The following RTN4 variants were observed in gnomAD, a reference collection of about 807,000 sequenced individuals.
RTN4 encodes the protein reticulon-4.
Under a neutral mutation model 90.4 loss-of-function variants are expected in RTN4, and 32 were observed. The observed-to-expected ratio is 0.35, with a 90% CI of 0.27 to 0.48. The LOEUF (loss-of-function observed/expected upper bound fraction) is 0.48, where lower values mean the gene tolerates loss of function less well. RTN4 is among the 20% of genes least tolerant of loss of function. The pLI is 0.99. For missense variants in RTN4, 1,706 were observed against 1,430.2 expected (o/e 1.19, Z -3.11); for synonymous variants, 629 against 552.5 (o/e 1.14, Z -1.94).
intron 3 of RTN4, among the ~76,000 whole-genome samples, chr2:55,016,300 C>T (rs185812933): frequency 1.3e-4 from 20 of 152,122 alleles, no homozygotes; most frequent in Middle Eastern, 6.8e-3. Flanking sequence ...TACACATATG[C>T]GGCCAGGTGC....
At chr2:54,979,695 G>C (rs980759163) in intron 5 of RTN4, among the ~76,000 whole-genome samples, 3 of 152,186 alleles carry the variant, frequency 2.0e-5, no homozygotes. Context: ...GTGTGCACCT[G>C]AATTACCAAG....
chr2:54,982,765 C>T (rs534382837), intron 4 of RTN4, 112 bp from the exon 5 acceptor site: 1 of 1,186,936 alleles, frequency 8.4e-7, no homozygotes, highest in African/African-American at 1.6e-5. Flanking sequence ...CTATAAAAGC[C>T]AACTGTTTCC....
intron 4 of RTN4, among the ~76,000 whole-genome samples, chr2:54,983,571 T>C (rs973103809): frequency 8.5e-5 from 13 of 152,192 alleles, no homozygotes; most frequent in African/African-American, 1.2e-4. Flanking sequence ...CCTTGTCCCA[T>C]AGTTTTACCT....
the RTN4 span, among the ~76,000 whole-genome samples, chr2:55,137,373 C>A: frequency 6.6e-6 from 1 of 152,088 alleles, no homozygotes; most frequent in African/African-American, 2.4e-5. Flanking sequence ...AGTGACGCTA[C>A]GGAGTCAGGA....
intron 1 of RTN4, among the ~76,000 whole-genome samples, chr2:55,098,195 A>G (rs1304275457): frequency 6.6e-6 from 1 of 152,258 alleles, no homozygotes; most frequent in East Asian, 1.9e-4. Flanking sequence ...CCGGATTTCC[A>G]GTACCCAGCA....
In RTN4 at chr2:54,987,409, C is replaced by T. The variant is rs569135576; in HGVS notation, c.3221+82G>A. 2.7e-4 allele frequency: 276 copies of T among 1,035,748 alleles called. 2 individuals are homozygous for T. In the Admixed American group the frequency reaches 4.4e-3, roughly 17 times the overall value. The allele number at this position is 1,035,748 out of a possible 1,614,324, so 64.2% of individuals were successfully genotyped here. On this transcript the variant is annotated intron_variant, in intron 4 of 8. Transcript: ENST00000337526. ...TTAACAAAAAAATGCATGCTTGTAA[C>T]TCTATAGACAGTAGATGAAGTCTTA...
At chr2:55,108,211 T>G (rs961902087) in intron 1 of RTN4, among the ~76,000 whole-genome samples, 8 of 152,160 alleles carry the variant, frequency 5.3e-5, no homozygotes, top group Admixed American at 2.0e-4. Flanking sequence ...TGCCTCGGCC[T>G]CCCAAAGTGC....
the RTN4 span, among the ~76,000 whole-genome samples, chr2:55,133,428 A>G: frequency 2.0e-5 from 3 of 152,096 alleles, no homozygotes; most frequent in African/African-American, 7.2e-5. Context: ...TACTTGTAAA[A>G]ATTGTCAGAA....
chr2:54,986,057 A>G (rs1348836646), intron 4 of RTN4, among the ~76,000 whole-genome samples: 1 of 152,188 alleles, frequency 6.6e-6, no homozygotes, highest in Non-Finnish European at 1.5e-5. Context: ...CAAACTAAGA[A>G]CCAAATAAAA....
At chr2:55,031,764 A>G (rs906315894) in intron 1 of RTN4, among the ~76,000 whole-genome samples, 1 of 152,188 alleles carries the variant, frequency 6.6e-6, no homozygotes, top group South Asian at 2.1e-4. Context: ...GTCTATAACT[A>G]CTTTTGCACA....
rs1192276329 is a variant in RTN4 at position 54,974,753 on chromosome 2, C to G, written c.3372G>C (p.Leu1124Phe). The G allele has an allele frequency of 6.2e-7, 1 of 1,613,500 alleles. No homozygotes were observed. Among genetic ancestry groups the G allele is most frequent in the African/African-American group, 1.3e-5 (1 of 75,024 alleles). ...CACCAACATAGGTAAATACCCACAT[C>G]AACACTGCAAACTATAAGAAAATAA... ...DLVDSLKFAV[L>F]MWVFTYVGAL... is the part of the protein sequence containing the mutation. Residue 1124 changes from leucine (L) to phenylalanine (F), a missense_variant, in exon 6 of 9, where the codon TTG (leucine) becomes TTC (phenylalanine). Leu to Phe is a conservative substitution (Grantham distance 22, BLOSUM62 0). Transcript: ENST00000337526.
intron 3 of RTN4, among the ~76,000 whole-genome samples, chr2:54,987,902 G>T (rs941558785): frequency 6.6e-6 from 1 of 152,070 alleles, no homozygotes; most frequent in Non-Finnish European, 1.5e-5. Flanking sequence ...CTTTATTTTT[G>T]ACCACGAAAT....
chr2:55,115,373 C>T (rs575894235), upstream of RTN4, among the ~76,000 whole-genome samples: 1 of 152,348 alleles, frequency 6.6e-6, no homozygotes, highest in Non-Finnish European at 1.5e-5. Context: ...GTCTTTCTCA[C>T]ATTACATCAC....
At chr2:54,993,224 T>C (rs553098646) in intron 3 of RTN4, among the ~76,000 whole-genome samples, 3 of 152,278 alleles carry the variant, frequency 2.0e-5, no homozygotes, top group East Asian at 3.9e-4. Flanking sequence ...TCTGAAATGG[T>C]CCCACTCTAA....
Position 55,026,734 on chromosome 2 carries a change from C to G in RTN4, c.1365G>C (p.Lys455Asn). ...TSFPSTPEGI[K>N]DRSGAYITCA... ...ATGTGATATATGCTCCTGAACGATC[C>G]TTTATACCTTCTGGCGTACTGGGGA... The change falls in exon 3 of 9, where the codon AAG becomes AAC. Residue 455 changes from lysine (K) to asparagine (N), a missense_variant. Lys to Asn is a moderately conservative substitution (Grantham distance 94). Coordinates refer to ENST00000337526, the MANE Select transcript of RTN4 (RefSeq NM_020532.5). 6.2e-7 allele frequency: 1 copy of G among 1,613,868 alleles called. No homozygotes were observed. Among genetic ancestry groups the G allele is most frequent in the Non-Finnish European group, 8.5e-7 (1 of 1,179,878 alleles).
At position 55,089,133 on chromosome 2, in the gene RTN4, G is replaced by C. The variant is rs562920032; in HGVS notation, c.-213-8494C>G. 6.6e-5 allele frequency among the ~76,000 whole-genome samples: 10 copies of C among 152,208 alleles called. No homozygotes were observed. In the East Asian group the frequency reaches 1.7e-3, roughly 27 times the overall value. Reference sequence around the variant, plus strand: ...AGATGGGGTTTCACCATGTTGGCCAGGCTGGTCTTGAACTCCTGACCTAAG... The same window carrying C: ...AGATGGGGTTTCACCATGTTGGCCACGCTGGTCTTGAACTCCTGACCTAAG... On this transcript the variant is annotated intron_variant, in intron 1 of 3. Coordinates refer to the RTN4 transcript ENST00000427710.
upstream of RTN4, among the ~76,000 whole-genome samples, chr2:55,054,850 T>A (rs573749788): frequency 6.6e-6 from 1 of 152,334 alleles, no homozygotes; most frequent in Admixed American, 6.5e-5. Flanking sequence ...GTTGTCCCTA[T>A]CATTTTGCTG....
intron 1 of RTN4, among the ~76,000 whole-genome samples, chr2:55,111,751 C>T (rs920212101): frequency 9.9e-5 from 15 of 152,180 alleles, no homozygotes; most frequent in Admixed American, 5.2e-4. Flanking sequence ...GTTGAAAAAA[C>T]GTTAATGTCC....
intron 1 of RTN4, among the ~76,000 whole-genome samples, chr2:55,092,189 T>TA (rs58296702): frequency 1.4e-5 from 2 of 143,472 alleles, no homozygotes; most frequent in South Asian, 2.2e-4. Context: ...GACCATGACT[T>TA]AAAAAAAAAA....
Sources: allele counts gnomAD v4.1 joint callset (sites outside exome capture counted in the v4.1 genomes callset), GRCh38; gene constraint gnomAD v4.1.1; transcripts MANE v1.5; gene names NCBI Gene and HGNC (gene_info 2026-07-23, HGNC 2026-07-21).